Variants in NLRP13 observed in about 807,000 individuals in gnomAD.
The protein encoded by NLRP13 is NLR family pyrin domain containing 13, also known as NACHT, LRR and PYD domains-containing protein 13.
In NLRP13, 82 loss-of-function variants were observed where a neutral mutation model predicts 94.4. That is an observed-to-expected ratio of 0.87 (90% CI 0.73 to 1.04). The LOEUF is 1.04. Ranked by LOEUF, NLRP13 falls within the 50% of genes least tolerant of loss-of-function variation. The pLI, the probability that NLRP13 is intolerant of heterozygous loss-of-function variation, is 0.00. For synonymous variants in NLRP13, 553 were observed against 464.7 expected (o/e 1.19, Z -2.45); for missense variants, 1,426 against 1,230.8 (o/e 1.16, Z -2.37).
downstream of NLRP13, among the ~76,000 whole-genome samples, chr19:55,893,281 G>A (rs1053495756): frequency 7.9e-5 from 12 of 152,018 alleles, no homozygotes; most frequent in East Asian, 3.9e-4. Flanking sequence ...CAGGCTACTC[G>A]GGAGGCTGAG....
chr19:55,901,077 CTTGGCATGATTGCCACAGCTGGTG>C (rs1286134531), intron 9 of NLRP13, among the ~76,000 whole-genome samples: 1 of 152,184 alleles, frequency 6.6e-6, no homozygotes, highest in East Asian at 1.9e-4. Flanking sequence ...GTAGACCACA[CTTGGCATGATTGCCACAGCTGGTG>C]GCTGGAGGAA....
At chr19:55,929,088 A>C (rs1987039994) in intron 1 of NLRP13, among the ~76,000 whole-genome samples, 1 of 152,224 alleles carries the variant, frequency 6.6e-6, no homozygotes, top group East Asian at 1.9e-4. Context: ...ATACCATCTC[A>C]CGCCAGTTAG....
Position 55,905,024 on chromosome 19 carries a change from C to T in NLRP13, c.2536G>A (p.Gly846Arg). 2 of 1,613,650 alleles carry T rather than the reference C, an allele frequency of 1.2e-6. No individual in the cohort carries two copies. The highest frequency in any genetic ancestry group is 3.3e-5 in the Admixed American group (2 of 59,954). ...CCATCATCTTGGAGCCGATTAAATC[C>T]CAGGCACAATCGAGTTACGTGTTGG... ...SIQHVTRLCL[G>R]FNRLQDDGIK... The change falls in exon 8 of 11, where the codon GGA (glycine) becomes AGA (arginine). Residue 846 changes from glycine to arginine, a missense_variant. Physicochemically the swap from Gly to Arg is moderately radical, Grantham distance 125. Transcript: ENST00000342929.
intron 9 of NLRP13, among the ~76,000 whole-genome samples, chr19:55,899,672 T>C (rs1184710319): frequency 2.6e-5 from 4 of 151,964 alleles, no homozygotes; most frequent in African/African-American, 9.7e-5. Flanking sequence ...CCCAGCTACT[T>C]GGGAGGCTGA....
In NLRP13 at chr19:55,912,702, T is replaced by C. The variant is rs1287469834; in HGVS notation, c.1115A>G (p.Lys372Arg). ...TIKTWFVRDL[K>R]ASLVNPCFVQ... ...AAAGCATGGATTCACTAATGAGGCCTTAAGATCTCTCACAAACCAGGTCTT... is the reference window on the plus strand; with the variant it reads ...AAAGCATGGATTCACTAATGAGGCCCTAAGATCTCTCACAAACCAGGTCTT... The change falls in exon 5 of 11, where the codon AAG (lysine) becomes AGG (arginine). Residue 372 changes from lysine (K) to arginine (R), a missense_variant. Physicochemically the swap from Lys to Arg is conservative, Grantham distance 26. Transcript: ENST00000342929. The C allele has an allele frequency of 6.2e-7, 1 of 1,614,196 alleles. No individual in the cohort carries two copies. The highest frequency in any genetic ancestry group is 8.5e-7 in the Non-Finnish European group (1 of 1,180,028).
chr19:55,911,742 C>A lies in NLRP13; in HGVS notation c.2075G>T (p.Ser692Ile), dbSNP rs935883679. Residue 692 changes from serine to isoleucine, a missense_variant, in exon 5 of 11, where the codon AGC (serine) becomes ATC (isoleucine). Transcript: ENST00000342929. ...CAAGTCCCTTTCAAGGATGTGACTG[C>A]TAACAGAAAGCCTTAGCTTATTTAA... ...KRLNKLRLSV[S>I]SHILERDLEI... 1.2e-6 allele frequency: 2 copies of A among 1,610,466 alleles called. No homozygotes were observed. The highest frequency in any genetic ancestry group is 1.7e-6 in the Non-Finnish European group (2 of 1,178,324).
intron 4 of NLRP13, among the ~76,000 whole-genome samples, chr19:55,920,725 C>T (rs991977891): frequency 6.6e-6 from 1 of 151,886 alleles, no homozygotes; most frequent in African/African-American, 2.4e-5. Flanking sequence ...ATAGAACTAC[C>T]ATTTGATCAA....
intron 4 of NLRP13, among the ~76,000 whole-genome samples, chr19:55,919,005 TAA>T (rs758473250): frequency 1.3e-5 from 2 of 151,798 alleles, no homozygotes; most frequent in Non-Finnish European, 2.9e-5. Flanking sequence ...CAACAACACA[TAA>T]AAAAGATAAT....
Position 55,907,950 on chromosome 19 carries a change from T to C in NLRP13, c.2289A>G (p.Lys763=). ...PRCKVQKLTC[K]SVTPEWVLQD... ...GCAGAACCCACTCAGGAGTTACCGA[T>C]TTGCACCTGAGGAAGGGAAGGGACA... Residue 763 remains lysine, a synonymous_variant, in exon 7 of 11, where the codon AAA becomes AAG. Coordinates refer to ENST00000342929, the MANE Select transcript of NLRP13 (RefSeq NM_176810.2). 4 of 1,594,552 alleles carry C rather than the reference T, an allele frequency of 2.5e-6. No homozygotes were observed. Among genetic ancestry groups the C allele is most frequent in the Non-Finnish European group, 3.4e-6 (4 of 1,167,300 alleles).
At chr19:55,918,253 C>CAAAAAAAAAAAAAAA in intron 4 of NLRP13, among the ~76,000 whole-genome samples, 1 of 130,784 alleles carries the variant, frequency 7.6e-6, no homozygotes, top group Non-Finnish European at 1.6e-5. Context: ...TGTGATACAG[C>CAAAAAAAAAAAAAAA]AAAAAAAAAA....
downstream of NLRP13, among the ~76,000 whole-genome samples, chr19:55,894,699 C>G (rs771614257): frequency 2.0e-5 from 3 of 152,186 alleles, no homozygotes; most frequent in Non-Finnish European, 2.9e-5. Context: ...CCTGTTATCT[C>G]CTGGAGGAGA....
chr19:55,912,778 T>A lies in NLRP13; in HGVS notation c.1039A>T (p.Ser347Cys), dbSNP rs1034464605. ...QELPVTKILH[S>C]LLKKELVPLA... The stretch of plus-strand genomic sequence containing the variant: ...GGAACCAATTCTTTCTTCAACAAGC[T>A]GTGTAGGATTTTGGTCACTGGGAGC... Residue 347 changes from serine to cysteine, a missense_variant, in exon 5 of 11, where the codon AGC becomes TGC. By Grantham distance (112) the Ser-to-Cys change is moderately radical. Transcript: ENST00000342929. 1 of 1,614,042 alleles carries A rather than the reference T, an allele frequency of 6.2e-7. No individual in the cohort carries two copies. The highest frequency in any genetic ancestry group is 8.5e-7 in the Non-Finnish European group (1 of 1,180,034).
intron 4 of NLRP13, among the ~76,000 whole-genome samples, chr19:55,923,030 C>T (rs1445915056): frequency 6.6e-6 from 1 of 152,152 alleles, no homozygotes; most frequent in East Asian, 1.9e-4. Context: ...TGTATACATG[C>T]ACATGTACTT....
At chr19:55,892,067 C>G, downstream of NLRP13, 1 of 1,225,870 alleles carries the variant, frequency 8.2e-7, no homozygotes, top group Non-Finnish European at 1.0e-6. Flanking sequence ...GACAGAGCTC[C>G]TTCTGTGAGG....
chr19:55,900,093 A>G (rs993393890), intron 9 of NLRP13, among the ~76,000 whole-genome samples: 1 of 152,226 alleles, frequency 6.6e-6, no homozygotes, highest in Non-Finnish European at 1.5e-5. Flanking sequence ...TGATGGACAC[A>G]TTAACTAACT....
Position 55,932,269 on chromosome 19 carries a change from G to T in NLRP13, c.43C>A (p.Gln15Lys). 1 of 1,610,628 alleles carries T rather than the reference G, an allele frequency of 6.2e-7. No homozygotes were observed. The highest frequency in any genetic ancestry group is 8.5e-7 in the Non-Finnish European group (1 of 1,179,130). Residue 15 changes from glutamine (Q) to lysine (K), a missense_variant, in exon 1 of 11, where the codon CAA becomes AAA. Gln to Lys is a moderately conservative substitution (Grantham distance 53, BLOSUM62 1). Coordinates refer to ENST00000342929, the MANE Select transcript of NLRP13 (RefSeq NM_176810.2). Reference protein sequence around the residue: ...VITCPNGGTNQGLLPYLMALD... With the variant: ...VITCPNGGTNKGLLPYLMALD... ...GCCATCAGGTAAGGCAGAAGCCCTT[G>T]GTTGGTACCACCGTTGGGGCAGGTG...
chr19:55,907,824 CA>C lies in NLRP13; in HGVS notation c.2414del (p.Leu805Ter). ...GMTVPLILKA[L>X]RHSACNLKYL... The stretch of plus-strand genomic sequence containing the variant: ...ACTTGAGGTTGCAAGCTGAGTGTCT[CA>C]AAGCTTTAAGAATCAGGGGGACAGT... On this transcript the variant is annotated frameshift_variant, in exon 7 of 11. Transcript: ENST00000342929. LOFTEE classifies it high-confidence loss of function. 1 of 1,613,814 alleles carries C rather than the reference CA, an allele frequency of 6.2e-7. No individual in the cohort carries two copies. The highest frequency in any genetic ancestry group is 1.1e-5 in the South Asian group (1 of 91,014).
At chr19:55,895,006 C>G (rs1378970168), downstream of NLRP13, among the ~76,000 whole-genome samples, 1 of 152,012 alleles carries the variant, frequency 6.6e-6, no homozygotes, top group Non-Finnish European at 1.5e-5. Context: ...CAGCAAAAAC[C>G]ATTACTTTAA....
chr19:55,896,105 T>C lies in NLRP13; in HGVS notation c.2972A>G (p.Asn991Ser), dbSNP rs144287488. 1.5e-5 allele frequency: 25 copies of C among 1,613,956 alleles called. 1 individual carries two copies. The highest frequency in any genetic ancestry group is 1.3e-4 in the South Asian group (12 of 91,072). Residue 991 changes from asparagine to serine, a missense_variant, in exon 11 of 11, where the codon AAT becomes AGT. Physicochemically the swap from Asn to Ser is conservative, Grantham distance 46 (BLOSUM62 1). Transcript: ENST00000342929. ...ATGCTGGCAGCAAGCAGTTGTCAGA[T>C]TGCATTTCGCCAACCTAGGGGCGGG... ...ALHTLGLAKC[N>S]LTTACCQHLF...
Sources: gnomAD v4.1 joint callset for allele counts (sites outside exome capture counted in the v4.1 genomes callset) on GRCh38, gnomAD v4.1.1 for gene constraint, MANE v1.5 for transcripts, NCBI Gene and HGNC (gene_info 2026-07-23, HGNC 2026-07-21) for gene names.